BCAS3: variants seen among roughly 807,000 people sequenced by gnomAD.
BCAS3 encodes BCAS3 microtubule associated cell migration factor, also known as BCAS4/BCAS3 fusion.
Under a neutral mutation model 116.1 loss-of-function variants are expected in BCAS3, and 53 were observed. The ratio of observed to expected loss-of-function variants is 0.46; its 90% CI spans 0.37 to 0.57. The LOEUF is 0.57. Ranked by LOEUF, BCAS3 falls within the 20% of genes least tolerant of loss-of-function variation. The probability of loss-of-function intolerance (pLI) is 0.00; values close to 1 mark genes in which losing one functional copy is unlikely to be tolerated. For synonymous variants in BCAS3, 391 were observed against 408.2 expected, an observed-to-expected ratio of 0.96 and a Z score of 0.51; for missense variants, 917 against 1,165.4, an observed-to-expected ratio of 0.79 and a Z score of 3.10.
chr17:61,272,174 T>G (rs1446446376), intron 22 of BCAS3, among the ~76,000 whole-genome samples: 2 of 152,314 alleles, frequency 1.3e-5, no homozygotes, highest in South Asian at 2.1e-4. Flanking sequence ...ATATTCCTTC[T>G]ATAGAAAAGC....
chr17:61,159,724 T>C (rs1035871041), intron 22 of BCAS3, among the ~76,000 whole-genome samples: 1 of 152,178 alleles, frequency 6.6e-6, no homozygotes, highest in African/African-American at 2.4e-5. Context: ...TTTTTGTGTT[T>C]TGTTTTGTTT....
Position 61,377,160 on chromosome 17 carries a change from G to A in BCAS3, c.2593+8666G>A, listed in dbSNP as rs905230006. On this transcript the variant is annotated intron_variant, in intron 23 of 23. Transcript: ENST00000407086. The surrounding 1 kb of genome is among the most constrained non-coding windows in gnomAD (Gnocchi z 4.6). Reference sequence around the variant, plus strand: ...ACAGGGCATGGTCTTTCTAGGATGCGGAGGCAAAGCTGGAACTCCCCAGTG... The same window carrying A: ...ACAGGGCATGGTCTTTCTAGGATGCAGAGGCAAAGCTGGAACTCCCCAGTG... Among the ~76,000 whole-genome samples, 5 of 152,154 alleles carry A rather than the reference G, an allele frequency of 3.3e-5. No homozygotes were observed. The highest frequency in any genetic ancestry group is 3.3e-4 in the Admixed American group (5 of 15,272).
chr17:61,185,478 C>T (rs976875110), intron 22 of BCAS3, among the ~76,000 whole-genome samples: 3 of 152,078 alleles, frequency 2.0e-5, no homozygotes, highest in African/African-American at 7.2e-5. Flanking sequence ...CATGACCATA[C>T]CGTGACCTCT....
At chr17:60,870,021 A>G (rs369806044) in intron 8 of BCAS3, among the ~76,000 whole-genome samples, 3 of 152,350 alleles carry the variant, frequency 2.0e-5, no homozygotes, top group Non-Finnish European at 4.4e-5. Flanking sequence ...CTGTAATTGT[A>G]TATCATCTGA....
At chr17:61,005,102 AT>A (rs1009842708) in intron 15 of BCAS3, among the ~76,000 whole-genome samples, 24 of 152,102 alleles carry the variant, frequency 1.6e-4, no homozygotes, top group African/African-American at 5.8e-4. Context: ...AAGAGTCATT[AT>A]TTCTCAACTG....
chr17:60,788,197 AT>A (rs956427179), intron 6 of BCAS3, among the ~76,000 whole-genome samples: 8 of 151,904 alleles, frequency 5.3e-5, no homozygotes, highest in Non-Finnish European at 1.0e-4. Context: ...TTGATCATTA[AT>A]TTTTTTTGAC....
At chr17:61,033,315 A>G (rs532827396) in intron 16 of BCAS3, among the ~76,000 whole-genome samples, 11 of 152,272 alleles carry the variant, frequency 7.2e-5, no homozygotes, top group Admixed American at 2.6e-4. Context: ...GATGGGGCCT[A>G]TGAGTATTTG....
intron 22 of BCAS3, among the ~76,000 whole-genome samples, chr17:61,238,901 A>AGGCT (rs1265318431): frequency 6.6e-6 from 1 of 152,138 alleles, no homozygotes; most frequent in Non-Finnish European, 1.5e-5. Flanking sequence ...CAGGGCCCTG[A>AGGCT]GGCTAACCTC....
intron 22 of BCAS3, among the ~76,000 whole-genome samples, chr17:61,250,440 C>T (rs1050330080): frequency 3.3e-5 from 5 of 152,122 alleles, no homozygotes; most frequent in Admixed American, 6.5e-5. Flanking sequence ...GCTTGTTTTT[C>T]ATTTTAAAGA....
intron 8 of BCAS3, among the ~76,000 whole-genome samples, chr17:60,870,399 A>T (rs1452139570): frequency 6.6e-6 from 1 of 152,142 alleles, no homozygotes; most frequent in African/African-American, 2.4e-5. Flanking sequence ...TCTGTTGGAG[A>T]CCTAGTAGTT....
At position 61,220,844 on chromosome 17, in the gene BCAS3, T is replaced by TA. The variant is rs2082067007; in HGVS notation, c.2425+136282dup. On this transcript the variant is annotated intron_variant, in intron 22 of 23. Transcript: ENST00000407086. This position sits in a 1 kb window ranked among gnomAD's most constrained non-coding sequence, Gnocchi z 4.5. ...GGCTGGGCGCGGTGGCTCACGCCTG[T>TA]AATCCCAGCACTTTGGGAGGCCGAG... is the stretch of plus-strand genomic sequence containing the variant. Among the ~76,000 whole-genome samples the TA allele has an allele frequency of 6.6e-6, 1 of 151,488 alleles. No homozygotes were observed. Among genetic ancestry groups the TA allele is most frequent in the African/African-American group, 2.4e-5 (1 of 41,172 alleles).
intron 6 of BCAS3, 35 bp from the exon 7 acceptor site, chr17:60,807,969 T>G: frequency 1.4e-6 from 2 of 1,458,818 alleles, no homozygotes; most frequent in Non-Finnish European, 1.9e-6. Flanking sequence ...ATAATATTCC[T>G]CAAAGCTTAC....
rs376812319 is a variant in BCAS3 at position 61,154,663 on chromosome 17, A to G, written c.2425+70099A>G. 1.9e-4 allele frequency among the ~76,000 whole-genome samples: 29 copies of G among 152,000 alleles called. 1 individual carries two copies. Among genetic ancestry groups the G allele is most frequent in the Admixed American group, 1.2e-3 (18 of 15,272 alleles). On this transcript the variant is annotated intron_variant, in intron 22 of 23. Coordinates refer to ENST00000407086, the MANE Select transcript of BCAS3 (RefSeq NM_017679.5). ...TCTCTACATTGCCCAGGCTGGTCTCAAACTCCTGAGCTTAAGCGACCCTCC... is the reference window on the plus strand; with the variant it reads ...TCTCTACATTGCCCAGGCTGGTCTCGAACTCCTGAGCTTAAGCGACCCTCC...
chr17:61,158,260 A>G (rs929802813), intron 22 of BCAS3, among the ~76,000 whole-genome samples: 7 of 152,118 alleles, frequency 4.6e-5, no homozygotes, highest in African/African-American at 1.7e-4. Context: ...GACCCATCAA[A>G]TGTCTTGTAA....
intron 8 of BCAS3, among the ~76,000 whole-genome samples, chr17:60,871,632 C>T (rs2055113085): frequency 6.7e-6 from 1 of 148,454 alleles, no homozygotes; most frequent in Admixed American, 6.7e-5. Context: ...CATAACCAGG[C>T]ATTGTATTTA....
At chr17:60,930,746 C>T (rs1249099359) in intron 13 of BCAS3, among the ~76,000 whole-genome samples, 2 of 152,210 alleles carry the variant, frequency 1.3e-5, no homozygotes, top group Non-Finnish European at 2.9e-5. Flanking sequence ...ACGTGAGCCA[C>T]TGCGTCCAGC....
intron 3 of BCAS3, among the ~76,000 whole-genome samples, chr17:60,684,638 G>A (rs2033756164): frequency 6.6e-6 from 1 of 152,038 alleles, no homozygotes; most frequent in African/African-American, 2.4e-5. Flanking sequence ...CTCTCTCAGA[G>A]TCTTAACACA....
At chr17:61,289,208 C>A (rs12603402) in intron 22 of BCAS3, among the ~76,000 whole-genome samples, 14 of 152,186 alleles carry the variant, frequency 9.2e-5, no homozygotes, top group African/African-American at 3.4e-4. Flanking sequence ...TGTACCCCCG[C>A]GACTCAGCTG....
In BCAS3 at chr17:61,326,156, G is replaced by A. The variant is rs1050903908; in HGVS notation, c.2426-42171G>A. Among the ~76,000 whole-genome samples the A allele has an allele frequency of 6.6e-6, 1 of 152,202 alleles. No individual in the cohort carries two copies. The highest frequency in any genetic ancestry group is 1.5e-5 in the Non-Finnish European group (1 of 68,040). ...ACAAATTAACATAATTACAAATTGTGTGAAGTATAATGAAGGAAAAATTCC... is the reference window on the plus strand; with the variant it reads ...ACAAATTAACATAATTACAAATTGTATGAAGTATAATGAAGGAAAAATTCC... On this transcript the variant is annotated intron_variant, in intron 22 of 23. Coordinates refer to ENST00000407086, the MANE Select transcript of BCAS3 (RefSeq NM_017679.5). The surrounding 1 kb of genome is among the most constrained non-coding windows in gnomAD (Gnocchi z 5.3).
Sources: gnomAD v4.1 joint callset for allele counts (sites outside exome capture counted in the v4.1 genomes callset) on GRCh38, gnomAD v4.1.1 for gene constraint, Gnocchi (gnomAD v3.1) non-coding constraint, MANE v1.5 for transcripts, NCBI Gene and HGNC (gene_info 2026-07-23, HGNC 2026-07-21) for gene names.